The following TRAPPC12 variants were observed in gnomAD, a reference collection of about 807,000 sequenced individuals.
The protein encoded by TRAPPC12 is TPR repeat protein 15.
Under a neutral mutation model 69.2 loss-of-function variants are expected in TRAPPC12, and 61 were observed. That is an observed-to-expected ratio of 0.88 (90% CI 0.72 to 1.09). The LOEUF (loss-of-function observed/expected upper bound fraction) is 1.09, where lower values mean the gene tolerates loss of function less well. Ranked by LOEUF, TRAPPC12 falls within the 50% of genes least tolerant of loss-of-function variation. The pLI is 0.00. For synonymous variants in TRAPPC12, 469 were observed against 438.9 expected, an observed-to-expected ratio of 1.07 and a Z score of -0.86; for missense variants, 1,101 against 1,016.4, an observed-to-expected ratio of 1.08 and a Z score of -1.13.
intron 6 of TRAPPC12, chr2:3,449,212 G>C (rs755162427): frequency 2.6e-5 from 4 of 152,240 alleles, no homozygotes; most frequent in Non-Finnish European, 5.9e-5. Flanking sequence ...GGTCGAGAGA[G>C]CTTCACAGAC....
At chr2:3,393,510 T>C (rs6755327) in intron 2 of TRAPPC12, among the ~76,000 whole-genome samples, 92,583 of 151,662 alleles carry the variant, frequency 0.61, 28,686 homozygotes, top group African/African-American at 0.73. Context: ...CTCACACATA[T>C]ACACACACAC....
chr2:3,476,101 C>T (rs966292038), intron 9 of TRAPPC12, among the ~76,000 whole-genome samples: 1 of 152,160 alleles, frequency 6.6e-6, no homozygotes, highest in Non-Finnish European at 1.5e-5. Flanking sequence ...ACTGTGCAGA[C>T]GACGGGCAGC....
At chr2:3,473,139 T>C (rs1431441276) in intron 9 of TRAPPC12, among the ~76,000 whole-genome samples, 1 of 152,120 alleles carries the variant, frequency 6.6e-6, no homozygotes, top group East Asian at 1.9e-4. Context: ...ATTGACAGCC[T>C]GCCTGGTTCC....
At chr2:3,468,305 C>T (rs1005900063) in intron 9 of TRAPPC12, among the ~76,000 whole-genome samples, 12 of 151,974 alleles carry the variant, frequency 7.9e-5, no homozygotes, top group South Asian at 6.2e-4. Context: ...AAGGCATCTA[C>T]GGGGGATAAA....
chr2:3,421,743 G>T (rs7558487), intron 3 of TRAPPC12, 138 bp from the exon 4 acceptor site: 5 of 787,780 alleles, frequency 6.3e-6, no homozygotes, highest in Non-Finnish European at 1.1e-5. Context: ...GCACACTGAC[G>T]TTGTCACCAT....
At chr2:3,380,198 C>A (rs915468632) in intron 1 of TRAPPC12, among the ~76,000 whole-genome samples, 1 of 152,138 alleles carries the variant, frequency 6.6e-6, no homozygotes, top group African/African-American at 2.4e-5. Flanking sequence ...CGCGCCCAGG[C>A]GTCCCCGAGA....
intron 3 of TRAPPC12, among the ~76,000 whole-genome samples, chr2:3,418,493 C>T (rs1028534245): frequency 6.6e-6 from 1 of 152,188 alleles, no homozygotes; most frequent in African/African-American, 2.4e-5. Context: ...ACCTGGGATC[C>T]GCCAGCGTTT....
rs71396989 is a variant in TRAPPC12 at position 3,409,750 on chromosome 2, TAAAAAAAAAAAA to T, written c.1164+7874_1164+7885del. ...GGGCAACAAAGCAAGACTTTGTCTTTAAAAAAAAAAAAAAAAAAAAAAAAAAAAGGGGAAGAA... is the reference window on the plus strand; with the variant it reads ...GGGCAACAAAGCAAGACTTTGTCTTTAAAAAAAAAAAAAAAAGGGGAAGAA... On this transcript the variant is annotated intron_variant, in intron 3 of 11. Coordinates refer to ENST00000324266, the MANE Select transcript of TRAPPC12 (RefSeq NM_016030.6). Among the ~76,000 whole-genome samples, 102 of 54,916 alleles carry T rather than the reference TAAAAAAAAAAAA, an allele frequency of 1.9e-3. 2 individuals are homozygous for T. The highest frequency in any genetic ancestry group is 5.8e-3 in the South Asian group (7 of 1,204). The allele number at this position is 54,916 out of a possible 152,430, so 36.0% of individuals were successfully genotyped here. A position where few individuals can be genotyped will look rare whatever the true frequency, so the allele number is the denominator to read the frequency against.
At chr2:3,473,775 TGA>T (rs1666170240) in intron 9 of TRAPPC12, among the ~76,000 whole-genome samples, 1 of 152,228 alleles carries the variant, frequency 6.6e-6, no homozygotes, top group Admixed American at 6.5e-5. Flanking sequence ...CCAGCTGAAA[TGA>T]GTTTTCTGTA....
intron 3 of TRAPPC12, among the ~76,000 whole-genome samples, chr2:3,406,362 T>C (rs982949406): frequency 6.6e-6 from 1 of 152,210 alleles, no homozygotes; most frequent in African/African-American, 2.4e-5. Flanking sequence ...ATTGCCTTTC[T>C]TCCCCACGTT....
chr2:3,469,422 C>G (rs1458896192), intron 9 of TRAPPC12, among the ~76,000 whole-genome samples: 2 of 152,130 alleles, frequency 1.3e-5, no homozygotes, highest in African/African-American at 4.8e-5. Flanking sequence ...AAGTACGGGA[C>G]GAGGTTTTGG....
intron 4 of TRAPPC12, among the ~76,000 whole-genome samples, chr2:3,422,377 C>T (rs1662860427): frequency 6.6e-6 from 1 of 152,018 alleles, no homozygotes; most frequent in Admixed American, 6.6e-5. Context: ...GACGGAGGGT[C>T]CATGTGCCAT....
chr2:3,444,739 T>C (rs1034881261), intron 6 of TRAPPC12, among the ~76,000 whole-genome samples: 5 of 152,208 alleles, frequency 3.3e-5, no homozygotes, highest in African/African-American at 1.2e-4. Flanking sequence ...GATGATGGTG[T>C]TAACAGTGTT....
At chr2:3,384,643 T>TAAATACATTGCTGATTCAGTTAGCTA (rs1660412478) in intron 1 of TRAPPC12, among the ~76,000 whole-genome samples, 1 of 152,226 alleles carries the variant, frequency 6.6e-6, no homozygotes. Context: ...TGGTAGAAAA[T>TAAATACATTGCTGATTCAGTTAGCTA]AAATACATTG....
chr2:3,441,670 T>TTATAATAAAA (rs1558385767), intron 5 of TRAPPC12, among the ~76,000 whole-genome samples: 7 of 148,784 alleles, frequency 4.7e-5, no homozygotes, highest in African/African-American at 1.7e-4. Flanking sequence ...TATTATTTTC[T>TTATAATAAAA]TATAATAAAA....
intron 3 of TRAPPC12, among the ~76,000 whole-genome samples, chr2:3,417,627 G>A (rs1243639202): frequency 1.3e-5 from 2 of 152,146 alleles, no homozygotes; most frequent in Non-Finnish European, 2.9e-5. Flanking sequence ...GTTCACAGCA[G>A]GCAGTCAGTA....
intron 1 of TRAPPC12, among the ~76,000 whole-genome samples, chr2:3,386,504 C>G (rs1322114397): frequency 6.6e-6 from 1 of 152,132 alleles, no homozygotes; most frequent in Non-Finnish European, 1.5e-5. Context: ...GCAGCTGTCT[C>G]GAGGGGTGTT....
At chr2:3,396,728 A>ATCCT (rs1474232056) in intron 2 of TRAPPC12, among the ~76,000 whole-genome samples, 3 of 151,978 alleles carry the variant, frequency 2.0e-5, no homozygotes, top group African/African-American at 7.3e-5. Flanking sequence ...TTTGCAGCTA[A>ATCCT]TCCTATTCAG....
chr2:3,439,935 G>A (rs1248991903), intron 5 of TRAPPC12, among the ~76,000 whole-genome samples: 1 of 151,200 alleles, frequency 6.6e-6, no homozygotes, highest in Non-Finnish European at 1.5e-5. Flanking sequence ...ACCATTTTTG[G>A]AAAAACCTGT....
Sources: gnomAD v4.1 joint callset for allele counts (sites outside exome capture counted in the v4.1 genomes callset) on GRCh38, gnomAD v4.1.1 for gene constraint, MANE v1.5 for transcripts, NCBI Gene and HGNC (gene_info 2026-07-23, HGNC 2026-07-21) for gene names.